The following AIG1 variants were observed in gnomAD, a reference collection of about 807,000 sequenced individuals.
The protein encoded by AIG1 is androgen induced 1, also known as androgen-induced gene 1 protein.
In AIG1, 23 loss-of-function variants were observed where a neutral mutation model predicts 31.4. That is an observed-to-expected ratio of 0.73 (90% CI 0.53 to 1.04). The LOEUF is 1.04. AIG1 is among the 50% of genes least tolerant of loss of function. The probability of loss-of-function intolerance (pLI) is 0.00; values close to 1 mark genes in which losing one functional copy is unlikely to be tolerated. For missense variants in AIG1, 274 were observed against 295.0 expected (o/e 0.93, Z 0.52); for synonymous variants, 100 against 110.5 (o/e 0.90, Z 0.60).
chr6:143,272,857 G>A (rs9484717), intron 3 of AIG1, among the ~76,000 whole-genome samples: 36,695 of 152,102 alleles, frequency 0.24, 5,226 homozygotes, highest in East Asian at 0.71. Flanking sequence ...TTGGCCAGGC[G>A]CGGTGGCTCA....
intron 3 of AIG1, chr6:143,189,203 C>A (rs1239823775): frequency 2.4e-6 from 1 of 413,748 alleles, no homozygotes. Context: ...ACCACCACCC[C>A]TGGCTACTTT....
chr6:143,060,925 C>T lies in AIG1; in HGVS notation c.-1C>T, dbSNP rs761979083. On this transcript the variant is annotated 5_prime_UTR_variant, in exon 1 of 6. Transcript: ENST00000357847. ...CCAGCCGGTCCAGGCCTCTGGCGAA[C>T]ATGGCGCTTGTCCCCTGCCAGGTGC... 9 of 1,606,332 alleles carry T rather than the reference C, an allele frequency of 5.6e-6. No homozygotes were observed. In the East Asian group the frequency reaches 1.4e-4, roughly 24 times the overall value.
chr6:143,235,122 C>T (rs1454928942), intron 3 of AIG1, among the ~76,000 whole-genome samples: 1 of 152,120 alleles, frequency 6.6e-6, no homozygotes. Context: ...AGATGAACAA[C>T]AGATGACAAG....
intron 1 of AIG1, among the ~76,000 whole-genome samples, chr6:143,109,243 G>A (rs1781065438): frequency 6.6e-6 from 1 of 151,922 alleles, no homozygotes; most frequent in African/African-American, 2.4e-5. Context: ...ATTCCATTTT[G>A]TATGTTTTAA....
At chr6:143,144,221 G>A (rs554059057) in intron 2 of AIG1, among the ~76,000 whole-genome samples, 23 of 152,136 alleles carry the variant, frequency 1.5e-4, no homozygotes, top group Non-Finnish European at 2.9e-4. Context: ...AGGGAAAACC[G>A]TGCATTTATA....
At chr6:143,229,061 T>C (rs988945596) in intron 3 of AIG1, among the ~76,000 whole-genome samples, 7 of 152,214 alleles carry the variant, frequency 4.6e-5, no homozygotes, top group African/African-American at 1.7e-4. Flanking sequence ...AGGCAGAATA[T>C]GGCCCTAAGT....
At chr6:143,130,915 T>G (rs958451025) in intron 1 of AIG1, among the ~76,000 whole-genome samples, 8 of 152,152 alleles carry the variant, frequency 5.3e-5, no homozygotes, top group African/African-American at 1.9e-4. Context: ...GTTGTTCCCC[T>G]CTCTGTGTCC....
At position 143,333,473 on chromosome 6, in the gene AIG1, C is replaced by T; in HGVS notation, c.679+28C>T. On this transcript the variant is annotated intron_variant, in intron 5 of 5. Coordinates refer to ENST00000357847, the MANE Select transcript of AIG1 (RefSeq NM_016108.4). This position sits in a 1 kb window ranked among gnomAD's most constrained non-coding sequence, Gnocchi z 4.6. ...AAGTATTGTCTGAGGGAACATAAAA[C>T]AAGAGAATTACTGCCGGCAACAGTC... 6.2e-7 allele frequency: 1 copy of T among 1,607,016 alleles called. No individual in the cohort carries two copies. Among genetic ancestry groups the T allele is most frequent in the Non-Finnish European group, 8.5e-7 (1 of 1,176,846 alleles).
chr6:143,321,329 G>A (rs1289571042), intron 4 of AIG1, among the ~76,000 whole-genome samples: 1 of 151,866 alleles, frequency 6.6e-6, no homozygotes, highest in East Asian at 1.9e-4. Flanking sequence ...GCCAGGCAAA[G>A]TGGCTCACAC....
At chr6:143,141,137 C>T (rs1185045816) in intron 2 of AIG1, among the ~76,000 whole-genome samples, 12 of 152,176 alleles carry the variant, frequency 7.9e-5, no homozygotes, top group African/African-American at 2.9e-4. Context: ...AATGCATTAC[C>T]TCTGTACAGC....
chr6:143,241,808 G>C (rs1451211100), intron 3 of AIG1, among the ~76,000 whole-genome samples: 1 of 152,140 alleles, frequency 6.6e-6, no homozygotes, highest in Admixed American at 6.5e-5. Context: ...GACACCCCAA[G>C]TGGAAAACTT....
intron 2 of AIG1, among the ~76,000 whole-genome samples, chr6:143,152,651 G>T (rs934687361): frequency 5.9e-5 from 9 of 152,186 alleles, no homozygotes; most frequent in Admixed American, 2.6e-4. Context: ...CCCATAACAG[G>T]AGGGTTAGTT....
At chr6:143,126,811 ACT>A (rs1279621316) in intron 1 of AIG1, among the ~76,000 whole-genome samples, 1 of 151,770 alleles carries the variant, frequency 6.6e-6, no homozygotes, top group African/African-American at 2.4e-5. Context: ...ATGACAAACT[ACT>A]CTCTCTTTTA....
intron 2 of AIG1, among the ~76,000 whole-genome samples, chr6:143,142,028 G>A (rs939024486): frequency 2.6e-5 from 4 of 151,978 alleles, no homozygotes; most frequent in Non-Finnish European, 5.9e-5. Flanking sequence ...CAAAGCAGCC[G>A]TTTAATGAAA....
At chr6:143,066,979 G>C (rs1776771151) in intron 1 of AIG1, among the ~76,000 whole-genome samples, 1 of 152,130 alleles carries the variant, frequency 6.6e-6, no homozygotes, top group Admixed American at 6.5e-5. Flanking sequence ...AGACCAGCCT[G>C]GGCATCACAG....
downstream of AIG1, chr6:143,342,663 G>A (rs1044012663): frequency 3.3e-6 from 4 of 1,227,602 alleles, no homozygotes; most frequent in Non-Finnish European, 4.8e-6. Context: ...AAAGCTGATT[G>A]GTTGGATAGC....
intron 1 of AIG1, among the ~76,000 whole-genome samples, chr6:143,071,580 C>T (rs1777262574): frequency 3.3e-5 from 5 of 152,062 alleles, no homozygotes; most frequent in Admixed American, 3.3e-4. Context: ...AAATTTAGCC[C>T]CATTCTTGCC....
At position 143,060,920 on chromosome 6, in the gene AIG1, G is replaced by A. The variant is rs1392155410; in HGVS notation, c.-6G>A. 9 of 1,603,716 alleles carry A rather than the reference G, an allele frequency of 5.6e-6. No individual in the cohort carries two copies. Among genetic ancestry groups the A allele is most frequent in the South Asian group, 2.2e-5 (2 of 90,624 alleles). On this transcript the variant is annotated 5_prime_UTR_variant, in exon 1 of 6. Transcript: ENST00000357847. ...GCCGCCCAGCCGGTCCAGGCCTCTGGCGAACATGGCGCTTGTCCCCTGCCA... is the reference window on the plus strand; with the variant it reads ...GCCGCCCAGCCGGTCCAGGCCTCTGACGAACATGGCGCTTGTCCCCTGCCA...
intron 3 of AIG1, among the ~76,000 whole-genome samples, chr6:143,246,819 G>A (rs1794653314): frequency 6.6e-6 from 1 of 152,132 alleles, no homozygotes; most frequent in Non-Finnish European, 1.5e-5. Flanking sequence ...AAGGAATAAT[G>A]TCCTCATTTC....
Sources: allele counts gnomAD v4.1 joint callset (sites outside exome capture counted in the v4.1 genomes callset), GRCh38; gene constraint gnomAD v4.1.1; non-coding constraint Gnocchi (gnomAD v3.1); transcripts MANE v1.5; gene names NCBI Gene and HGNC (gene_info 2026-07-23, HGNC 2026-07-21).